RHOU: variants seen among roughly 807,000 people sequenced by gnomAD.
The protein encoded by RHOU is ras homolog family member U, also known as rho-related GTP-binding protein RhoU.
Under a neutral mutation model 12.6 loss-of-function variants are expected in RHOU, and 8 were observed. The ratio of observed to expected loss-of-function variants is 0.64; its 90% CI spans 0.37 to 1.15. The LOEUF (loss-of-function observed/expected upper bound fraction) is 1.15. RHOU is among the 50% of genes most tolerant of loss of function. RHOU has a pLI of 0.01. For synonymous variants in RHOU, 161 were observed against 147.4 expected (o/e 1.09, Z -0.67); for missense variants, 258 against 347.0 (o/e 0.74, Z 2.04).
the RHOU span, among the ~76,000 whole-genome samples, chr1:228,713,219 T>A: frequency 3.3e-5 from 5 of 152,124 alleles, no homozygotes; most frequent in African/African-American, 4.8e-5. Context: ...ATTAGAGAGT[T>A]GGGATTTTCA....
At chr1:228,705,891 A>G in the RHOU span, among the ~76,000 whole-genome samples, 1 of 152,242 alleles carries the variant, frequency 6.6e-6, no homozygotes, top group South Asian at 2.1e-4. Context: ...TAAAAATACA[A>G]AAAATTAGCC....
At chr1:228,736,956 A>T (rs947817904) in intron 1 of RHOU, among the ~76,000 whole-genome samples, 8 of 86,208 alleles carry the variant, frequency 9.3e-5, no homozygotes, top group Non-Finnish European at 1.5e-4. Context: ...CCACCCCTGC[A>T]GCTGACTAGT....
At chr1:228,721,822 T>C in the RHOU span, among the ~76,000 whole-genome samples, 1 of 152,126 alleles carries the variant, frequency 6.6e-6, no homozygotes, top group Non-Finnish European at 1.5e-5. Context: ...TAATTTTGTA[T>C]TTTGTATTTT....
chr1:228,725,270 C>T, the RHOU span, among the ~76,000 whole-genome samples: 1 of 152,158 alleles, frequency 6.6e-6, no homozygotes, highest in East Asian at 1.9e-4. Flanking sequence ...ATTTGGGCTT[C>T]CTCTATATTC....
the RHOU span, among the ~76,000 whole-genome samples, chr1:228,724,292 T>C: frequency 6.6e-6 from 1 of 152,210 alleles, no homozygotes; most frequent in African/African-American, 2.4e-5. Flanking sequence ...GGTAAACCCA[T>C]AGTGGCTTGA....
the RHOU span, among the ~76,000 whole-genome samples, chr1:228,668,922 AG>A: frequency 1.3e-5 from 2 of 152,228 alleles, no homozygotes; most frequent in Admixed American, 6.5e-5. Context: ...GGGGAATCCC[AG>A]GAACCCAGGC....
At chr1:228,680,854 G>A in the RHOU span, among the ~76,000 whole-genome samples, 2 of 152,104 alleles carry the variant, frequency 1.3e-5, no homozygotes, top group Non-Finnish European at 2.9e-5. Context: ...CCTTCAACTA[G>A]GCAAGAAACC....
the RHOU span, among the ~76,000 whole-genome samples, chr1:228,646,752 C>G: frequency 2.6e-5 from 4 of 152,006 alleles, no homozygotes; most frequent in African/African-American, 7.2e-5. Context: ...ACAGACACAC[C>G]CGTTCGTTCT....
the RHOU span, among the ~76,000 whole-genome samples, chr1:228,666,622 T>C: frequency 6.6e-6 from 1 of 152,150 alleles, no homozygotes; most frequent in African/African-American, 2.4e-5. Context: ...GTATTCTTGC[T>C]CAGGGTGGTG....
the RHOU span, among the ~76,000 whole-genome samples, chr1:228,647,422 A>G: frequency 6.6e-6 from 1 of 152,100 alleles, no homozygotes; most frequent in Non-Finnish European, 1.5e-5. Flanking sequence ...TGGAGTTGAC[A>G]CGAAGTGCGG....
chr1:228,669,999 G>A, the RHOU span, among the ~76,000 whole-genome samples: 1 of 152,178 alleles, frequency 6.6e-6, no homozygotes, highest in Non-Finnish European at 1.5e-5. Flanking sequence ...CCAGTCAAGT[G>A]GGTTAAACAT....
At chr1:228,650,940 G>A in the RHOU span, 1 of 365,030 alleles carries the variant, frequency 2.7e-6, no homozygotes, top group South Asian at 2.4e-5. Flanking sequence ...GCTGACATTA[G>A]CTCTCACTTT....
the RHOU span, among the ~76,000 whole-genome samples, chr1:228,665,219 C>G: frequency 6.6e-6 from 1 of 152,210 alleles, no homozygotes; most frequent in African/African-American, 2.4e-5. Context: ...GGTCTAAGCA[C>G]TTCACATGCT....
chr1:228,739,254 G>T (rs953617916), intron 2 of RHOU, among the ~76,000 whole-genome samples: 3 of 152,154 alleles, frequency 2.0e-5, no homozygotes, highest in African/African-American at 7.2e-5. Flanking sequence ...CTACCAGGGG[G>T]TCAGGTTTTC....
the RHOU span, among the ~76,000 whole-genome samples, chr1:228,671,359 C>CT: frequency 6.6e-6 from 1 of 152,004 alleles, no homozygotes; most frequent in Non-Finnish European, 1.5e-5. Context: ...GTCTTATGGT[C>CT]TATTTCTTAA....
chr1:228,687,158 C>A, the RHOU span, among the ~76,000 whole-genome samples: 1 of 152,178 alleles, frequency 6.6e-6, no homozygotes, highest in Non-Finnish European at 1.5e-5. Flanking sequence ...TCTGAAAGCA[C>A]CTGTGGGCTT....
the RHOU span, among the ~76,000 whole-genome samples, chr1:228,697,437 C>T: frequency 1.3e-5 from 2 of 152,180 alleles, no homozygotes; most frequent in Non-Finnish European, 2.9e-5. Context: ...TTTTAGAGAG[C>T]GTTTCCAGCA....
chr1:228,678,405 C>T, the RHOU span, among the ~76,000 whole-genome samples: 17 of 152,142 alleles, frequency 1.1e-4, no homozygotes, highest in Admixed American at 6.5e-5. Flanking sequence ...AAAAACTGGC[C>T]GTGAGGGACA....
the RHOU span, among the ~76,000 whole-genome samples, chr1:228,653,132 G>A: frequency 6.6e-6 from 1 of 152,114 alleles, no homozygotes; most frequent in East Asian, 1.9e-4. Context: ...TCTTGATTTG[G>A]CTACCTAGCC....
Sources: allele counts gnomAD v4.1 joint callset (sites outside exome capture counted in the v4.1 genomes callset), GRCh38; gene constraint gnomAD v4.1.1; transcripts MANE v1.5; gene names NCBI Gene and HGNC (gene_info 2026-07-23, HGNC 2026-07-21).